PUS3: variants seen among roughly 807,000 people sequenced by gnomAD.
PUS3 encodes tRNA pseudouridine(38/39) synthase.
In PUS3, 36 loss-of-function variants were observed where a neutral mutation model predicts 43.3. The ratio of observed to expected loss-of-function variants is 0.83; its 90% CI spans 0.64 to 1.10. The LOEUF (loss-of-function observed/expected upper bound fraction) is 1.10, where lower values mean the gene tolerates loss of function less well. PUS3 is among the 50% of genes least tolerant of loss of function. The pLI is 0.00. For missense variants in PUS3, 544 were observed against 589.9 expected (o/e 0.92, Z 0.81); for synonymous variants, 183 against 199.2 (o/e 0.92, Z 0.69).
Position 125,895,493 on chromosome 11 carries a change from C to G in PUS3, c.675G>C (p.Leu225Phe). 1 of 1,614,172 alleles carries G rather than the reference C, an allele frequency of 6.2e-7. No homozygotes were observed. The highest frequency in any genetic ancestry group is 8.5e-7 in the Non-Finnish European group (1 of 1,180,040). ...KYVGTHDFRNLCKMDVANGVI... is the reference protein window; with the variant it reads ...KYVGTHDFRNFCKMDVANGVI... The stretch of plus-strand genomic sequence containing the variant: ...CACCGTTGGCTACATCCATTTTACA[C>G]AAGTTCCTGAAATCATGGGTGCCAA... Residue 225 changes from leucine (L) to phenylalanine (F), a missense_variant, in exon 3 of 4, where the codon TTG becomes TTC. Leu to Phe is a conservative substitution (Grantham distance 22). Coordinates refer to ENST00000227474, the MANE Select transcript of PUS3 (RefSeq NM_031307.4).
In PUS3 at chr11:125,895,680, A is replaced by G. The variant is rs761469347; in HGVS notation, c.488T>C (p.Ile163Thr). The change falls in exon 3 of 4, where the codon ATT becomes ACT. Residue 163 changes from isoleucine (I) to threonine (T), a missense_variant. Physicochemically the swap from Ile to Thr is moderately conservative, Grantham distance 89. Coordinates refer to ENST00000227474, the MANE Select transcript of PUS3 (RefSeq NM_031307.4). ...AAAEEIRYTH[I>T]LNRVLPPDIR... The stretch of plus-strand genomic sequence containing the variant: ...GTCTGGAGGGAGTACCCGATTGAGA[A>G]TGTGGGTATAACGGATCTCTTCAGC... 9.3e-6 allele frequency: 15 copies of G among 1,614,050 alleles called. 1 individual carries two copies. The Admixed American group carries it at 2.3e-4, about 25-fold the overall frequency.
chr11:125,895,982 T>G lies in PUS3; in HGVS notation c.303A>C (p.Arg101=). ...TGGATGTCTGTCTGCTTTCTACTAG[T>G]CGAGTCTTGGTTAGAGCTTCAAACA... is the stretch of plus-strand genomic sequence containing the variant. ...EKLFEALTKT[R]LVESRQTSNY... Residue 101 remains arginine, a synonymous_variant, in exon 2 of 4, where the codon CGA becomes CGC. Transcript: ENST00000227474. 1 of 1,614,224 alleles carries G rather than the reference T, an allele frequency of 6.2e-7. No homozygotes were observed. Among genetic ancestry groups the G allele is most frequent in the African/African-American group, 1.3e-5 (1 of 75,062 alleles).
At chr11:125,894,484 A>G (rs747766320) in intron 3 of PUS3, among the ~76,000 whole-genome samples, 198 bp from the exon 4 acceptor site, 1 of 152,228 alleles carries the variant, frequency 6.6e-6, no homozygotes, top group Non-Finnish European at 1.5e-5. Context: ...GCAACAAATC[A>G]TAGATCAACC....
Position 125,896,230 on chromosome 11 carries a change from G to A in PUS3, c.55C>T (p.Arg19Ter), listed in dbSNP as rs747920338. The part of the protein sequence containing the change: ...NQTEKLLKRV[R>*]ELEQEVQRLK... ...CTTTGCACCTCTTGCTCCAGTTCTCGTACTCTTTTTAGGAGCTTCTCAGTC... is the reference window on the plus strand; with the variant it reads ...CTTTGCACCTCTTGCTCCAGTTCTCATACTCTTTTTAGGAGCTTCTCAGTC... Residue 19 changes from arginine (R) to a stop codon, truncating the protein, a stop_gained, in exon 2 of 4, where the codon CGA becomes TGA. Transcript: ENST00000227474. LOFTEE classifies it high-confidence loss of function. The A allele has an allele frequency of 1.1e-5, 17 of 1,613,676 alleles. No individual in the cohort carries two copies. Among genetic ancestry groups the A allele is most frequent in the East Asian group, 6.7e-5 (3 of 44,890 alleles).
Position 125,895,422 on chromosome 11 carries a change from A to C in PUS3, c.746T>G (p.Val249Gly). ...TCTCCCCTCACCTGGGCTCTGGCCC[A>C]CTAGCTGTACTTGAGCAGATAGAAT... ...RTILSAQVQLVGQSPGEGRWQ... is the reference protein window; with the variant it reads ...RTILSAQVQLGGQSPGEGRWQ... Residue 249 changes from valine to glycine, a missense_variant, in exon 3 of 4, where the codon GTG becomes GGG. Coordinates refer to ENST00000227474, the MANE Select transcript of PUS3 (RefSeq NM_031307.4). 6.2e-7 allele frequency: 1 copy of C among 1,614,068 alleles called. No homozygotes were observed. Among genetic ancestry groups the C allele is most frequent in the Non-Finnish European group, 8.5e-7 (1 of 1,179,966 alleles).
At chr11:125,894,503 G>T (rs545910611) in intron 3 of PUS3, among the ~76,000 whole-genome samples, 40 of 152,256 alleles carry the variant, frequency 2.6e-4, no homozygotes, top group African/African-American at 6.0e-4. Flanking sequence ...CCTGATCTAT[G>T]TAAGGTAAAT....
intron 1 of PUS3, 102 bp downstream of exon 1, chr11:125,903,068 A>C (rs1944820666): frequency 6.5e-6 from 3 of 464,508 alleles, no homozygotes; most frequent in Admixed American, 6.4e-5. Context: ...TATGTGAAAG[A>C]GGGCAAAAAG....
rs759911212 is a variant in PUS3 at position 125,893,903 on chromosome 11, TG to T, written c.1327del (p.His443MetfsTer15). 1 of 1,614,162 alleles carries T rather than the reference TG, an allele frequency of 6.2e-7. No homozygotes were observed. Among genetic ancestry groups the T allele is most frequent in the Admixed American group, 1.7e-5 (1 of 60,014 alleles). On this transcript the variant is annotated frameshift_variant, in exon 4 of 4. Transcript: ENST00000227474. LOFTEE classifies it high-confidence loss of function. Reference protein sequence around the residue: ...RGRIEHPHLFHEEETKAKRDC... With the variant: ...RGRIEHPHLFXEEETKAKRDC... ...CCTTTTGGCTTTTGTTTCTTCCTCA[TG>T]GAATAAATGTGGGTGCTCAATTCGT...
In PUS3 at chr11:125,895,976, T is replaced by C; in HGVS notation, c.309A>G (p.Val103=). ...GATAGTTGGATGTCTGTCTGCTTTC[T>C]ACTAGTCGAGTCTTGGTTAGAGCTT... ...LFEALTKTRL[V]ESRQTSNYHR... The change falls in exon 2 of 4, where the codon GTA becomes GTG. Residue 103 remains valine, a synonymous_variant. Coordinates refer to ENST00000227474, the MANE Select transcript of PUS3 (RefSeq NM_031307.4). 6.2e-7 allele frequency: 1 copy of C among 1,614,232 alleles called. No individual in the cohort carries two copies. The highest frequency in any genetic ancestry group is 1.1e-5 in the South Asian group (1 of 91,092).
Position 125,899,839 on chromosome 11 carries a change from A to G in PUS3, c.-47+3331T>C. On this transcript the variant is annotated intron_variant, in intron 1 of 3. Coordinates refer to ENST00000227474, the MANE Select transcript of PUS3 (RefSeq NM_031307.4). ...ATGTTTCACAAAAATTTAACCTACC[A>G]CATGAATACCAAGGAATTTCTCAAG... The G allele has an allele frequency of 1.2e-6, 2 of 1,614,214 alleles. No individual in the cohort carries two copies. The highest frequency in any genetic ancestry group is 8.5e-7 in the Non-Finnish European group (1 of 1,180,038).
rs1045708406 is a variant in PUS3 at position 125,900,459 on chromosome 11, C to T, written c.-47+2711G>A. 5.0e-6 allele frequency: 3 copies of T among 595,344 alleles called. No individual in the cohort carries two copies. The African/African-American group carries it at 5.6e-5, about 11-fold the overall frequency. The allele number at this position is 595,344 out of a possible 1,614,324, so 36.9% of individuals were successfully genotyped here. ...ATACTTCCAAATTGCCACTCAAATC[C>T]AGCAATTGCAAGATAAATCATATCA... On this transcript the variant is annotated intron_variant, in intron 1 of 3. Coordinates refer to ENST00000227474, the MANE Select transcript of PUS3 (RefSeq NM_031307.4).
chr11:125,895,770 C>T lies in PUS3; in HGVS notation c.398G>A (p.Arg133His), dbSNP rs755362051. 8 of 1,601,820 alleles carry T rather than the reference C, an allele frequency of 5.0e-6. No homozygotes were observed. The highest frequency in any genetic ancestry group is 4.5e-5 in the East Asian group (2 of 44,878). Residue 133 changes from arginine (R) to histidine (H), a missense_variant, in exon 3 of 4, where the codon CGC becomes CAC. Coordinates refer to ENST00000227474, the MANE Select transcript of PUS3 (RefSeq NM_031307.4). ...ATCCCTGCCCCTTGGAAACTGAGAG[C>T]GAAGGTCAAGTGAGATCACCTGTGG... Reference protein sequence around the residue: ...AFGQVISLDLRSQFPRGRDSE... With the variant: ...AFGQVISLDLHSQFPRGRDSE...
Position 125,895,274 on chromosome 11 carries a change from A to C in PUS3, c.894T>G (p.Ile298Met). ...TCTCTATATTCAGCAGCTCATCAAT[A>C]ATCTCTGGCTTCTCCATTCCTTGGC... ...LIGQGMEKPE[I>M]IDELLNIEKN... is the part of the protein sequence containing the mutation. Residue 298 changes from isoleucine to methionine, a missense_variant, in exon 3 of 4, where the codon ATT becomes ATG. Ile to Met is a conservative substitution (Grantham distance 10, BLOSUM62 1). Transcript: ENST00000227474. 1 of 1,609,036 alleles carries C rather than the reference A, an allele frequency of 6.2e-7. No homozygotes were observed. Among genetic ancestry groups the C allele is most frequent in the Non-Finnish European group, 8.5e-7 (1 of 1,178,450 alleles).
chr11:125,895,852 A>C (rs1944567818), intron 2 of PUS3, 55 bp downstream of exon 2: 2 of 1,588,822 alleles, frequency 1.3e-6, no homozygotes, highest in Non-Finnish European at 1.7e-6. Flanking sequence ...CTCAGTGTGT[A>C]TACCTAGAAT....
intron 1 of PUS3, among the ~76,000 whole-genome samples, chr11:125,896,576 C>G (rs1944598061): frequency 6.6e-6 from 1 of 152,148 alleles, no homozygotes; most frequent in South Asian, 2.1e-4. Context: ...TTAAAGCAGT[C>G]AAAATTCAGG....
chr11:125,903,189 C>G lies in PUS3; in HGVS notation c.-66G>C. On this transcript the variant is annotated 5_prime_UTR_variant, in exon 1 of 4. Coordinates refer to ENST00000227474, the MANE Select transcript of PUS3 (RefSeq NM_031307.4). ...ACTTACTTTCCGGCAGCCGGCCGCGCCGCGTTTCCGAGAAAGGAAGCTGTC... is the reference window on the plus strand; with the variant it reads ...ACTTACTTTCCGGCAGCCGGCCGCGGCGCGTTTCCGAGAAAGGAAGCTGTC... The G allele has an allele frequency of 1.0e-6, 1 of 985,516 alleles. No individual in the cohort carries two copies. Among genetic ancestry groups the G allele is most frequent in the Non-Finnish European group, 1.2e-6 (1 of 829,958 alleles). 61.0% of individuals were successfully genotyped at this position (985,516 alleles called of 1,614,324 possible). A position where few individuals can be genotyped will look rare whatever the true frequency, so the allele number is the denominator to read the frequency against.
intron 1 of PUS3, chr11:125,900,448 C>T: frequency 1.6e-6 from 1 of 610,210 alleles, no homozygotes; most frequent in South Asian, 2.0e-5. Context: ...TTCCAAATTG[C>T]CACTCAAATC....
chr11:125,901,526 C>G (rs1944773797), intron 1 of PUS3, among the ~76,000 whole-genome samples: 1 of 152,232 alleles, frequency 6.6e-6, no homozygotes, highest in Non-Finnish European at 1.5e-5. Flanking sequence ...AATGATAGTA[C>G]AGTTTGCTTG....
At chr11:125,894,626 T>C (rs1216127352) in intron 3 of PUS3, among the ~76,000 whole-genome samples, 1 of 152,226 alleles carries the variant, frequency 6.6e-6, no homozygotes, top group Non-Finnish European at 1.5e-5. Flanking sequence ...AGTAAAATTA[T>C]TGGTATCTAT....
Sources: allele counts gnomAD v4.1 joint callset (sites outside exome capture counted in the v4.1 genomes callset), GRCh38; gene constraint gnomAD v4.1.1; transcripts MANE v1.5; gene names NCBI Gene and HGNC (gene_info 2026-07-23, HGNC 2026-07-21).